UTRN: variants seen among roughly 807,000 people sequenced by gnomAD.
The protein encoded by UTRN is dystrophin-related protein 1.
In UTRN, 283 loss-of-function variants were observed where a neutral mutation model predicts 463.9. The ratio of observed to expected loss-of-function variants is 0.61; its 90% CI spans 0.55 to 0.67. The LOEUF (loss-of-function observed/expected upper bound fraction) is 0.67. UTRN is among the 30% of genes least tolerant of loss of function. The pLI is 0.00. For missense variants in UTRN, 3,922 were observed against 4,084.3 expected (o/e 0.96, Z 1.08); for synonymous variants, 1,442 against 1,431.5 (o/e 1.01, Z -0.17).
chr6:144,543,021 C>G (rs1306154278), intron 46 of UTRN, 151 bp downstream of exon 46: 3 of 717,656 alleles, frequency 4.2e-6, no homozygotes, highest in Non-Finnish European at 6.7e-6. Flanking sequence ...AGAACATCTT[C>G]TTTAAACCCA....
chr6:144,445,951 C>A (rs113597408), intron 14 of UTRN, among the ~76,000 whole-genome samples: 1 of 152,056 alleles, frequency 6.6e-6, no homozygotes, highest in African/African-American at 2.4e-5. Flanking sequence ...ATTGCTTGAA[C>A]CCAGGAAGCA....
At position 144,757,675 on chromosome 6, in the gene UTRN, A is replaced by T. The variant is rs1407390662; in HGVS notation, c.8435-254A>T. Among the ~76,000 whole-genome samples, 3 of 152,106 alleles carry T rather than the reference A, an allele frequency of 2.0e-5. No homozygotes were observed. In the East Asian group the frequency reaches 5.8e-4, roughly 29 times the overall value. ...GTATTTATAAGCAACACCATTTGAA[A>T]GTTTAAAAGTATTTTTATCAACAGG... On this transcript the variant is annotated intron_variant, in intron 57 of 74. Transcript: ENST00000367545.
intron 18 of UTRN, among the ~76,000 whole-genome samples, chr6:144,451,833 T>C (rs1788350770): frequency 6.6e-6 from 1 of 152,230 alleles, no homozygotes; most frequent in Non-Finnish European, 1.5e-5. Context: ...ATTAACATTA[T>C]GCTGAAGATG....
intron 26 of UTRN, among the ~76,000 whole-genome samples, 165 bp downstream of exon 26, chr6:144,480,147 G>T (rs1791696243): frequency 1.3e-5 from 2 of 152,160 alleles, no homozygotes; most frequent in Admixed American, 6.5e-5. Context: ...TCTAATTTTA[G>T]CAGGGGAAGA....
intron 51 of UTRN, among the ~76,000 whole-genome samples, chr6:144,662,760 C>T (rs1013732345): frequency 6.6e-6 from 1 of 152,164 alleles, no homozygotes; most frequent in Non-Finnish European, 1.5e-5. Flanking sequence ...AAGTTATAGA[C>T]TGGTCAGATC....
intron 9 of UTRN, among the ~76,000 whole-genome samples, chr6:144,431,343 T>G (rs542193272): frequency 6.6e-6 from 1 of 152,328 alleles, no homozygotes; most frequent in South Asian, 2.1e-4. Flanking sequence ...ATTTGCTATT[T>G]GATTAAGTGC....
Position 144,623,042 on chromosome 6 carries a change from A to G in UTRN, c.7479+45754A>G, listed in dbSNP as rs184053077. On this transcript the variant is annotated intron_variant, in intron 51 of 74. Coordinates refer to ENST00000367545, the MANE Select transcript of UTRN (RefSeq NM_007124.3). Reference sequence around the variant, plus strand: ...TCAGCCAGATTTCTTCCAGAAAATTATAAAGGAATCTCCTAGATAAACTTA... The same window carrying G: ...TCAGCCAGATTTCTTCCAGAAAATTGTAAAGGAATCTCCTAGATAAACTTA... Among the ~76,000 whole-genome samples, 7 of 152,356 alleles carry G rather than the reference A, an allele frequency of 4.6e-5. No homozygotes were observed. The East Asian group carries it at 1.2e-3, about 25-fold the overall frequency.
intron 73 of UTRN, among the ~76,000 whole-genome samples, chr6:144,845,936 C>T (rs1229843099): frequency 1.3e-5 from 2 of 152,036 alleles, no homozygotes; most frequent in Admixed American, 6.6e-5. Flanking sequence ...TTCTCCCACT[C>T]AGCATAGAAC....
chr6:144,466,569 C>A (rs1011783621), intron 23 of UTRN, among the ~76,000 whole-genome samples: 1 of 152,176 alleles, frequency 6.6e-6, no homozygotes, highest in Non-Finnish European at 1.5e-5. Context: ...AACTACTATA[C>A]CCCTTCCAGG....
intron 58 of UTRN, among the ~76,000 whole-genome samples, chr6:144,768,876 A>G (rs975094685): frequency 1.3e-5 from 2 of 151,692 alleles, no homozygotes; most frequent in African/African-American, 4.8e-5. Flanking sequence ...GCCTAGTTAC[A>G]TGTCACATGT....
At chr6:144,319,091 A>G (rs1452676336) in intron 2 of UTRN, among the ~76,000 whole-genome samples, 3 of 151,828 alleles carry the variant, frequency 2.0e-5, no homozygotes, top group African/African-American at 7.3e-5. Flanking sequence ...ACAAAAATAA[A>G]TTTGCTTAAA....
intron 60 of UTRN, among the ~76,000 whole-genome samples, chr6:144,774,848 T>A (rs1172862000): frequency 6.6e-6 from 1 of 152,220 alleles, no homozygotes; most frequent in Non-Finnish European, 1.5e-5. Context: ...AGACATTTAG[T>A]ATTATCAATG....
chr6:144,805,081 G>A (rs551753501), intron 65 of UTRN, among the ~76,000 whole-genome samples: 2 of 152,218 alleles, frequency 1.3e-5, no homozygotes, highest in Admixed American at 6.5e-5. Flanking sequence ...GACAGGGATG[G>A]ACAAAATGAT....
At chr6:144,513,034 C>T (rs1394265192) in intron 35 of UTRN, among the ~76,000 whole-genome samples, 1 of 152,094 alleles carries the variant, frequency 6.6e-6, no homozygotes, top group African/African-American at 2.4e-5. Flanking sequence ...CTGTTTTTCC[C>T]AGTCATAATC....
intron 2 of UTRN, among the ~76,000 whole-genome samples, chr6:144,316,977 G>T (rs1775323708): frequency 6.6e-6 from 1 of 152,174 alleles, no homozygotes; most frequent in Non-Finnish European, 1.5e-5. Flanking sequence ...AAGGCCATGG[G>T]TAGTTCACAG....
chr6:144,649,386 T>A (rs1252356302), intron 51 of UTRN, among the ~76,000 whole-genome samples: 1 of 152,228 alleles, frequency 6.6e-6, no homozygotes, highest in Non-Finnish European at 1.5e-5. Context: ...GCTGGTTGTA[T>A]GTGACTATTT....
chr6:144,585,175 G>A (rs1478830332), intron 51 of UTRN, among the ~76,000 whole-genome samples: 1 of 151,818 alleles, frequency 6.6e-6, no homozygotes, highest in Admixed American at 6.5e-5. Flanking sequence ...TTAAGTCACT[G>A]AAGTCATTGG....
At chr6:144,380,943 G>T (rs1397081010) in intron 2 of UTRN, among the ~76,000 whole-genome samples, 2 of 152,100 alleles carry the variant, frequency 1.3e-5, no homozygotes, top group Non-Finnish European at 2.9e-5. Flanking sequence ...GTGAGCAGAA[G>T]TGAGGCACCT....
At chr6:144,304,275 A>G (rs933084090) in intron 2 of UTRN, among the ~76,000 whole-genome samples, 2 of 151,922 alleles carry the variant, frequency 1.3e-5, no homozygotes, top group Non-Finnish European at 1.5e-5. Context: ...ACTTGCAAGC[A>G]TTCTTGGGTT....
Sources: gnomAD v4.1 joint callset for allele counts (sites outside exome capture counted in the v4.1 genomes callset) on GRCh38, gnomAD v4.1.1 for gene constraint, MANE v1.5 for transcripts, NCBI Gene and HGNC (gene_info 2026-07-23, HGNC 2026-07-21) for gene names.